MEGF6: variants seen among roughly 807,000 people sequenced by gnomAD.
MEGF6 encodes the protein multiple epidermal growth factor-like domains protein 6.
In MEGF6, 184 loss-of-function variants were observed where a neutral mutation model predicts 207.1. The ratio of observed to expected loss-of-function variants is 0.89; its 90% CI spans 0.79 to 1.00. The LOEUF is 1.00. Among genes scored for constraint, MEGF6 ranks in the 50% least tolerant of loss-of-function variants. The pLI is 0.00. For missense variants in MEGF6, 2,282 were observed against 2,202.9 expected, an observed-to-expected ratio of 1.04 and a Z score of -0.72; for synonymous variants, 1,038 against 910.0, an observed-to-expected ratio of 1.14 and a Z score of -2.53.
chr1:3,502,650 G>A (rs1315539944), intron 17 of MEGF6, among the ~76,000 whole-genome samples: 3 of 152,144 alleles, frequency 2.0e-5, no homozygotes, highest in Admixed American at 2.0e-4. Context: ...ATCCCAGGAA[G>A]GGGGACCTGG....
chr1:3,531,710 C>G (rs1446622794), intron 4 of MEGF6, among the ~76,000 whole-genome samples: 1 of 152,168 alleles, frequency 6.6e-6, no homozygotes, highest in Non-Finnish European at 1.5e-5. Flanking sequence ...CAGACACGCA[C>G]GGACATACGC....
At chr1:3,495,153 T>C (rs1640548251) in intron 30 of MEGF6, among the ~76,000 whole-genome samples, 1 of 152,184 alleles carries the variant, frequency 6.6e-6, no homozygotes, top group Non-Finnish European at 1.5e-5. Flanking sequence ...TGGCTGGCTG[T>C]AGCCCTGCTG....
intron 3 of MEGF6, among the ~76,000 whole-genome samples, chr1:3,585,584 G>A (rs540210657): frequency 1.2e-4 from 17 of 137,338 alleles, no homozygotes; most frequent in African/African-American, 4.6e-4. Flanking sequence ...CATGTCCTGT[G>A]TGTGGACACG....
intron 4 of MEGF6, among the ~76,000 whole-genome samples, chr1:3,531,823 G>C (rs28439857): frequency 2.0e-5 from 3 of 151,252 alleles, no homozygotes; most frequent in Non-Finnish European, 4.4e-5. Flanking sequence ...GGGCGGGGGA[G>C]GGGGGCCGCG....
chr1:3,538,920 G>A (rs2101482468), intron 4 of MEGF6, among the ~76,000 whole-genome samples: 1 of 152,330 alleles, frequency 6.6e-6, no homozygotes, highest in African/African-American at 2.4e-5. Flanking sequence ...GAGCTGCCAG[G>A]GGAGCGGAGA....
intron 4 of MEGF6, among the ~76,000 whole-genome samples, chr1:3,562,877 G>C (rs1643241318): frequency 6.6e-6 from 1 of 152,172 alleles, no homozygotes; most frequent in Non-Finnish European, 1.5e-5. Context: ...CTTGGTGACA[G>C]TGGAGGTGAG....
intron 4 of MEGF6, among the ~76,000 whole-genome samples, chr1:3,533,178 T>G (rs997560558): frequency 6.6e-6 from 1 of 152,148 alleles, no homozygotes; most frequent in Non-Finnish European, 1.5e-5. Context: ...GGGCCATCCT[T>G]GAGCGCGTGG....
At chr1:3,503,730 A>G (rs1415349390) in intron 17 of MEGF6, among the ~76,000 whole-genome samples, 1 of 138,608 alleles carries the variant, frequency 7.2e-6, no homozygotes, top group Non-Finnish European at 1.6e-5. Context: ...TGGTGTGTGC[A>G]TGTATGTGTG....
chr1:3,499,884 C>T lies in MEGF6; in HGVS notation c.2748G>A (p.Arg916=), dbSNP rs763149206. The T allele has an allele frequency of 1.3e-5, 20 of 1,561,480 alleles. No individual in the cohort carries two copies. The highest frequency in any genetic ancestry group is 1.7e-5 in the Non-Finnish European group (20 of 1,153,704). ...AGGCTGCTCCATGCTGACACTGGCA[C>T]CGCTGCTCACAGCCGGGCCCAAAGT... ...QGHFGPGCEQ[R]CQCQHGAACD... Residue 916 remains arginine (R), a synonymous_variant, in exon 22 of 37, where the codon CGG becomes CGA. Coordinates refer to ENST00000356575, the MANE Select transcript of MEGF6 (RefSeq NM_001409.4).
Position 3,498,817 on chromosome 1 carries a change from G to GC in MEGF6, c.3103dup (p.Ala1035GlyfsTer21), listed in dbSNP as rs1640727012. On this transcript the variant is annotated frameshift_variant, in exon 25 of 37. Coordinates refer to ENST00000356575, the MANE Select transcript of MEGF6 (RefSeq NM_001409.4). LOFTEE classifies it high-confidence loss of function. ...CCGACAGTTGTCGCCGTACAGGCCG[G>GC]CAGGGCAGGCTGGGGCCAGGGAAGA... 6.4e-7 allele frequency: 1 copy of GC among 1,552,572 alleles called. No individual in the cohort carries two copies. Among genetic ancestry groups the GC allele is most frequent in the African/African-American group, 1.4e-5 (1 of 73,270 alleles).
intron 30 of MEGF6, among the ~76,000 whole-genome samples, 152 bp downstream of exon 30, chr1:3,495,736 ACT>A (rs780075302): frequency 2.0e-4 from 31 of 152,064 alleles, no homozygotes; most frequent in Non-Finnish European, 3.8e-4. Context: ...AAGCTACAGC[ACT>A]CTCATCTCAG....
At chr1:3,514,809 C>T (rs766352817) in intron 6 of MEGF6, 137 bp from the exon 7 acceptor site, 40 of 1,035,920 alleles carry the variant, frequency 3.9e-5, no homozygotes, top group African/African-American at 2.3e-4. Flanking sequence ...GGCTGGGCAG[C>T]GGGTCTCCCT....
chr1:3,508,520 C>T (rs1641203452), intron 13 of MEGF6, 38 bp downstream of exon 13: 1 of 1,597,326 alleles, frequency 6.3e-7, no homozygotes, highest in Admixed American at 1.7e-5. Context: ...GGCTCAGAGG[C>T]CCCTTCCCAG....
intron 4 of MEGF6, among the ~76,000 whole-genome samples, chr1:3,538,877 C>T (rs565936617): frequency 6.8e-4 from 104 of 152,316 alleles, no homozygotes; most frequent in African/African-American, 2.4e-3. Context: ...GCCAGCCCCA[C>T]GCCCCGGGGC....
intron 4 of MEGF6, among the ~76,000 whole-genome samples, chr1:3,551,024 G>A (rs1642867671): frequency 6.6e-6 from 1 of 152,238 alleles, no homozygotes; most frequent in South Asian, 2.1e-4. Flanking sequence ...AGGCAGGTGA[G>A]GAAGAAGATG....
At chr1:3,618,761 C>T in the MEGF6 span, among the ~76,000 whole-genome samples, 2 of 152,288 alleles carry the variant, frequency 1.3e-5, no homozygotes, top group African/African-American at 4.8e-5. This position sits in a 1 kb window ranked among gnomAD's most constrained non-coding sequence, Gnocchi z 4.7. Flanking sequence ...ACCCGCCAAG[C>T]CCCAGCCCTG....
chr1:3,504,041 T>TGGA (rs1424147387), intron 17 of MEGF6, among the ~76,000 whole-genome samples: 14 of 151,216 alleles, frequency 9.3e-5, no homozygotes, highest in African/African-American at 3.4e-4. Flanking sequence ...ATTCCCCAGA[T>TGGA]GGAGGTGGGG....
chr1:3,611,080 C>G, intron 1 of MEGF6, 58 bp downstream of exon 1: 1 of 1,415,540 alleles, frequency 7.1e-7, no homozygotes, highest in Non-Finnish European at 9.2e-7. Context: ...CCACGGGCCT[C>G]CAGAGGCCCC....
chr1:3,619,315 T>A, the MEGF6 span, among the ~76,000 whole-genome samples: 15 of 152,096 alleles, frequency 9.9e-5, no homozygotes, highest in Non-Finnish European at 2.1e-4. Context: ...CCACGACCAG[T>A]GTGTGTGGAG....
Sources: gnomAD v4.1 joint callset for allele counts (sites outside exome capture counted in the v4.1 genomes callset) on GRCh38, gnomAD v4.1.1 for gene constraint, Gnocchi (gnomAD v3.1) non-coding constraint, MANE v1.5 for transcripts, NCBI Gene and HGNC (gene_info 2026-07-23, HGNC 2026-07-21) for gene names.